P2RY12: variants seen among roughly 807,000 people sequenced by gnomAD.
The protein encoded by P2RY12 is P2Y purinoceptor 12.
A neutral mutation model predicts 4.5 loss-of-function variants in P2RY12; 3 were observed. The observed-to-expected ratio is 0.67, with a 90% CI of 0.31 to 1.74. The LOEUF is 1.74. P2RY12 is among the 40% of genes most tolerant of loss of function. P2RY12 has a pLI of 0.09. For missense variants in P2RY12, 356 were observed against 407.8 expected (o/e 0.87, Z 1.09); for synonymous variants, 148 against 154.1 (o/e 0.96, Z 0.29).
At chr3:151,365,028 G>A in intron 1 of P2RY12, 1 of 1,614,020 alleles carries the variant, frequency 6.2e-7, no homozygotes, top group Non-Finnish European at 8.5e-7. Flanking sequence ...CGTGATGCCT[G>A]CAAATTCGAA....
intron 1 of P2RY12, among the ~76,000 whole-genome samples, chr3:151,353,731 TG>T (rs796796701): frequency 4.3e-4 from 66 of 152,360 alleles, no homozygotes; most frequent in African/African-American, 1.6e-3. Context: ...GTTCATTTCT[TG>T]TGTCTTTAAT....
chr3:151,358,205 C>T (rs1754171215), intron 1 of P2RY12, among the ~76,000 whole-genome samples: 1 of 151,956 alleles, frequency 6.6e-6, no homozygotes, highest in Non-Finnish European at 1.5e-5. Flanking sequence ...GAAATGCTAC[C>T]TTTATTTGTA....
At chr3:151,367,361 T>C (rs1318591225) in intron 1 of P2RY12, among the ~76,000 whole-genome samples, 1 of 152,232 alleles carries the variant, frequency 6.6e-6, no homozygotes, top group Non-Finnish European at 1.5e-5. Flanking sequence ...CTTGTAGTGA[T>C]TTCCTGATTT....
chr3:151,357,009 G>C (rs904883099), intron 1 of P2RY12, among the ~76,000 whole-genome samples: 2 of 152,054 alleles, frequency 1.3e-5, no homozygotes, highest in African/African-American at 2.4e-5. Flanking sequence ...TCAGCACTGG[G>C]TACTTCCTAA....
At chr3:151,357,846 T>G (rs983131711) in intron 1 of P2RY12, among the ~76,000 whole-genome samples, 3 of 152,218 alleles carry the variant, frequency 2.0e-5, no homozygotes, top group African/African-American at 7.2e-5. Context: ...CTAGAACAAA[T>G]TACTTCATTT....
intron 1 of P2RY12, among the ~76,000 whole-genome samples, chr3:151,363,381 TTGTG>T (rs1473029959): frequency 6.6e-6 from 1 of 152,144 alleles, no homozygotes; most frequent in Non-Finnish European, 1.5e-5. Context: ...ATTCATAAAG[TTGTG>T]TGAGAGGAGT....
At chr3:151,375,948 AC>A (rs1352524074) in intron 1 of P2RY12, 1 of 654,176 alleles carries the variant, frequency 1.5e-6, no homozygotes, top group African/African-American at 1.9e-5. Flanking sequence ...TCAATTATGC[AC>A]TGTGGATTTA....
chr3:151,357,533 G>A (rs1754076730), intron 1 of P2RY12, among the ~76,000 whole-genome samples: 1 of 152,114 alleles, frequency 6.6e-6, no homozygotes, highest in Non-Finnish European at 1.5e-5. Context: ...GATCAAAAAG[G>A]TCTAAGCATG....
chr3:151,343,781 C>T (rs1752190013), intron 1 of P2RY12, among the ~76,000 whole-genome samples: 1 of 152,062 alleles, frequency 6.6e-6, no homozygotes, highest in Non-Finnish European at 1.5e-5. Context: ...ACCAAGTCTA[C>T]TAAAGGTAGT....
intron 1 of P2RY12, chr3:151,350,005 A>G: frequency 6.4e-7 from 1 of 1,570,488 alleles, no homozygotes; most frequent in Non-Finnish European, 8.7e-7. Context: ...GGGATATGAA[A>G]TGCAACCCCA....
At chr3:151,379,493 T>A (rs1224799003) in intron 1 of P2RY12, among the ~76,000 whole-genome samples, 1 of 152,244 alleles carries the variant, frequency 6.6e-6, no homozygotes, top group African/African-American at 2.4e-5. Flanking sequence ...TTGACACCTC[T>A]TTACCAGTGG....
chr3:151,382,578 C>G, intron 1 of P2RY12: 1 of 883,112 alleles, frequency 1.1e-6, no homozygotes, highest in Non-Finnish European at 1.7e-6. Context: ...TGGTTTTTTG[C>G]TATCAGTATA....
chr3:151,359,363 G>A (rs1032910424), intron 1 of P2RY12, among the ~76,000 whole-genome samples: 1 of 152,044 alleles, frequency 6.6e-6, no homozygotes, highest in African/African-American at 2.4e-5. Context: ...GTTCTAATTG[G>A]CAGCTTTTAC....
intron 1 of P2RY12, chr3:151,375,982 C>A: frequency 7.6e-6 from 7 of 919,106 alleles, no homozygotes; most frequent in Admixed American, 2.8e-5. Context: ...TATATATATA[C>A]CGAAAGCCAG....
intron 1 of P2RY12, among the ~76,000 whole-genome samples, chr3:151,380,649 C>T (rs1336771502): frequency 2.0e-5 from 3 of 150,794 alleles, no homozygotes; most frequent in Non-Finnish European, 4.4e-5. Context: ...TTTGAGTAGA[C>T]GCTGAGAAAC....
intron 1 of P2RY12, among the ~76,000 whole-genome samples, chr3:151,374,279 G>A (rs770771581): frequency 1.3e-5 from 2 of 152,172 alleles, no homozygotes; most frequent in African/African-American, 4.8e-5. Flanking sequence ...AGGGCGCAGC[G>A]GCTCAAGCCT....
chr3:151,354,010 G>A (rs1225153221), intron 1 of P2RY12, among the ~76,000 whole-genome samples: 5 of 109,784 alleles, frequency 4.6e-5, no homozygotes, highest in East Asian at 3.3e-4. Context: ...GCGTAGTGGC[G>A]GGCGCCTGTA....
At chr3:151,342,137 A>C (rs561479082) in intron 1 of P2RY12, among the ~76,000 whole-genome samples, 31 of 152,292 alleles carry the variant, frequency 2.0e-4, no homozygotes, top group African/African-American at 3.6e-4. Context: ...GTTCTAGATC[A>C]CTGAGGAATC....
chr3:151,351,242 T>G (rs1753203824), intron 1 of P2RY12, among the ~76,000 whole-genome samples: 1 of 152,240 alleles, frequency 6.6e-6, no homozygotes, highest in South Asian at 2.1e-4. Context: ...AGGTTCTCTT[T>G]CTTCCCGGTC....
Sources: allele counts gnomAD v4.1 joint callset (sites outside exome capture counted in the v4.1 genomes callset), GRCh38; gene constraint gnomAD v4.1.1; transcripts MANE v1.5; gene names NCBI Gene and HGNC (gene_info 2026-07-23, HGNC 2026-07-21).